The following PKN2 variants were observed in gnomAD, a reference collection of about 807,000 sequenced individuals.
PKN2 encodes serine/threonine-protein kinase N2.
In PKN2, 38 loss-of-function variants were observed where a neutral mutation model predicts 119.1. That is an observed-to-expected ratio of 0.32 (90% CI 0.25 to 0.42). The LOEUF (loss-of-function observed/expected upper bound fraction) is 0.42, where lower values mean the gene tolerates loss of function less well. Among genes scored for constraint, PKN2 ranks in the 10% least tolerant of loss-of-function variants. The probability of loss-of-function intolerance (pLI) is 1.00; values close to 1 mark genes in which losing one functional copy is unlikely to be tolerated. For missense variants in PKN2, 850 were observed against 1,165.1 expected (o/e 0.73, Z 3.94); for synonymous variants, 390 against 384.9 (o/e 1.01, Z -0.15).
intron 1 of PKN2, among the ~76,000 whole-genome samples, chr1:88,709,115 G>A (rs555082909): frequency 3.1e-4 from 47 of 151,674 alleles, no homozygotes; most frequent in Non-Finnish European, 5.0e-4. Context: ...GTACAGTGGC[G>A]TGATCTTGGC....
intron 16 of PKN2, among the ~76,000 whole-genome samples, chr1:88,817,866 T>A (rs1354199509): frequency 1.3e-5 from 2 of 152,200 alleles, no homozygotes; most frequent in Non-Finnish European, 2.9e-5. Flanking sequence ...TTGGAAGTTC[T>A]GGCCAGGGCA....
chr1:88,754,451 G>A (rs1411215544), intron 2 of PKN2, among the ~76,000 whole-genome samples: 1 of 152,130 alleles, frequency 6.6e-6, no homozygotes, highest in African/African-American at 2.4e-5. Context: ...TTCAGTGGAG[G>A]GACGAAAGTA....
intron 1 of PKN2, among the ~76,000 whole-genome samples, chr1:88,707,840 A>G (rs1667062501): frequency 6.6e-6 from 1 of 152,172 alleles, no homozygotes; most frequent in Non-Finnish European, 1.5e-5. Flanking sequence ...CTCAAATGAC[A>G]TTTTACATTT....
At chr1:88,798,483 T>A (rs1671180123) in intron 8 of PKN2, among the ~76,000 whole-genome samples, 1 of 152,084 alleles carries the variant, frequency 6.6e-6, no homozygotes, top group Admixed American at 6.6e-5. Flanking sequence ...TGATAAATTG[T>A]TGGTGCTGAT....
chr1:88,738,989 A>G (rs186713037), intron 1 of PKN2, among the ~76,000 whole-genome samples: 4 of 152,332 alleles, frequency 2.6e-5, no homozygotes, highest in Non-Finnish European at 1.5e-5. Flanking sequence ...TGAAAAATCT[A>G]GACAGCATTT....
In PKN2 at chr1:88,785,953, T is replaced by G. The variant is rs1428472742; in HGVS notation, c.1172-151T>G. ...GTAGGAGTATATGTATCTGTAAAAC[T>G]AGCCATTTAAGATTCAAAAGTTTTA... On this transcript the variant is annotated intron_variant, in intron 7 of 21. Transcript: ENST00000370521. 27 of 567,982 alleles carry G rather than the reference T, an allele frequency of 4.8e-5. No homozygotes were observed. In the East Asian group the frequency reaches 7.5e-4, roughly 16 times the overall value. The allele number at this position is 567,982 out of a possible 1,614,324, so 35.2% of individuals were successfully genotyped here. A position where few individuals can be genotyped will look rare whatever the true frequency, so the allele number is the denominator to read the frequency against.
At chr1:88,820,552 A>T (rs1557635306) in intron 16 of PKN2, among the ~76,000 whole-genome samples, 3 of 132,660 alleles carry the variant, frequency 2.3e-5, no homozygotes, top group Non-Finnish European at 1.5e-5. Flanking sequence ...AATAAATAAA[A>T]TAAATAAATA....
At chr1:88,789,165 AG>A (rs1188308277) in intron 8 of PKN2, among the ~76,000 whole-genome samples, 1 of 152,178 alleles carries the variant, frequency 6.6e-6, no homozygotes, top group Non-Finnish European at 1.5e-5. Flanking sequence ...ACAAGTAAAA[AG>A]GTGGTAGGAT....
In PKN2 at chr1:88,751,803, C is replaced by G. The variant is rs561957373; in HGVS notation, c.350-8419C>G. 7.2e-5 allele frequency among the ~76,000 whole-genome samples: 11 copies of G among 152,216 alleles called. 1 individual carries two copies. The South Asian group carries it at 2.3e-3, about 32-fold the overall frequency. On this transcript the variant is annotated intron_variant, in intron 2 of 21. Transcript: ENST00000370521. ...TGTACTTCCTAAAGTACAGTAGATA[C>G]TTTAGAAAGACGATTTCCCCTTTAT...
intron 1 of PKN2, among the ~76,000 whole-genome samples, chr1:88,730,394 C>T (rs998310992): frequency 3.9e-5 from 6 of 152,208 alleles, no homozygotes; most frequent in African/African-American, 1.4e-4. Flanking sequence ...GACCCAGGCT[C>T]TCTCTCTTTC....
chr1:88,799,185 T>A (rs1037213887), intron 8 of PKN2, among the ~76,000 whole-genome samples: 5 of 152,192 alleles, frequency 3.3e-5, no homozygotes, highest in African/African-American at 4.8e-5. Context: ...CATAGTTGTT[T>A]TTGTCTTTCC....
intron 19 of PKN2, among the ~76,000 whole-genome samples, chr1:88,828,826 G>A (rs964120013): frequency 1.3e-5 from 2 of 152,086 alleles, no homozygotes; most frequent in Admixed American, 6.6e-5. Flanking sequence ...CACTATCAGT[G>A]CTTTGAAAAT....
intron 1 of PKN2, among the ~76,000 whole-genome samples, chr1:88,690,947 C>T (rs1265712241): frequency 6.6e-6 from 1 of 152,076 alleles, no homozygotes; most frequent in Non-Finnish European, 1.5e-5. Context: ...GTTTTACTGC[C>T]CTGGCTCATA....
chr1:88,699,445 C>T (rs1431613842), intron 1 of PKN2, among the ~76,000 whole-genome samples: 2 of 151,930 alleles, frequency 1.3e-5, no homozygotes, highest in South Asian at 2.1e-4. Flanking sequence ...TTCTGGGGTG[C>T]GTGTGCAAGA....
intron 1 of PKN2, chr1:88,684,950 C>T: frequency 3.3e-6 from 1 of 301,980 alleles, no homozygotes; most frequent in Non-Finnish European, 6.1e-6. Flanking sequence ...CGCCCCCTCC[C>T]TCGGTGTCAG....
chr1:88,731,735 G>A (rs893398841), intron 1 of PKN2, among the ~76,000 whole-genome samples: 3 of 152,202 alleles, frequency 2.0e-5, no homozygotes, highest in Admixed American at 2.0e-4. Context: ...TGTAGAGAGA[G>A]TAACAGCTTT....
intron 1 of PKN2, among the ~76,000 whole-genome samples, chr1:88,733,492 G>A (rs1420065771): frequency 2.0e-5 from 3 of 152,082 alleles, no homozygotes; most frequent in African/African-American, 4.8e-5. Context: ...TTTTTTTGGA[G>A]AAATGTCTAT....
At chr1:88,750,596 C>CT (rs1668948003) in intron 2 of PKN2, among the ~76,000 whole-genome samples, 2 of 152,056 alleles carry the variant, frequency 1.3e-5, no homozygotes, top group African/African-American at 2.4e-5. Context: ...GTTTTCTGGG[C>CT]TTCATCTGAT....
intron 7 of PKN2, 90 bp downstream of exon 7, chr1:88,784,914 T>TA (rs1248731156): frequency 1.6e-6 from 1 of 608,558 alleles, no homozygotes; most frequent in Non-Finnish European, 2.6e-6. Context: ...CAAAACACTT[T>TA]AAAATTATGG....
Sources: gnomAD v4.1 joint callset for allele counts (sites outside exome capture counted in the v4.1 genomes callset) on GRCh38, gnomAD v4.1.1 for gene constraint, MANE v1.5 for transcripts, NCBI Gene and HGNC (gene_info 2026-07-23, HGNC 2026-07-21) for gene names.